Variants in GABRA3 observed in about 807,000 individuals in gnomAD.
The protein encoded by GABRA3 is gamma-aminobutyric acid type A receptor subunit alpha3, also known as gamma-aminobutyric acid receptor subunit alpha-3.
In GABRA3, 10 loss-of-function variants were observed where a neutral mutation model predicts 30.1. The ratio of observed to expected loss-of-function variants is 0.33; its 90% confidence interval spans 0.20 to 0.56. The LOEUF is 0.56. Ranked by LOEUF, GABRA3 falls within the 20% of genes least tolerant of loss-of-function variation. The probability of loss-of-function intolerance (pLI) is 0.89; values close to 1 mark genes in which losing one functional copy is unlikely to be tolerated. For synonymous variants in GABRA3, 151 were observed against 146.8 expected, an observed-to-expected ratio of 1.03 and a Z score of -0.21; for missense variants, 233 against 392.0, an observed-to-expected ratio of 0.59 and a Z score of 3.42.
chrX:152,174,045 G>GT lies in GABRA3; in HGVS notation c.1144-5483dup, dbSNP rs1437729258. 2.7e-5 allele frequency among the ~76,000 whole-genome samples: 3 copies of GT among 110,312 alleles called. No homozygotes were observed. In the East Asian group the frequency reaches 8.6e-4, roughly 32 times the overall value. On this transcript the variant is annotated intron_variant, in intron 9 of 9. Coordinates refer to ENST00000370314, the MANE Select transcript of GABRA3 (RefSeq NM_000808.4). ...TATGAGTGAGAACATGCGGTGTTTG[G>GT]TTTTTTGTCCTTGCCATAGTTTGCT...
chrX:152,256,961 G>A (rs1363580003), intron 4 of GABRA3, among the ~76,000 whole-genome samples: 1 of 111,575 alleles, frequency 9.0e-6, no homozygotes, highest in African/African-American at 3.3e-5. Flanking sequence ...ATTAGGGATG[G>A]AAGACTCAAA....
At chrX:152,242,490 G>A (rs1429243981) in intron 5 of GABRA3, among the ~76,000 whole-genome samples, 1 of 111,634 alleles carries the variant, frequency 9.0e-6, no homozygotes, top group Non-Finnish European at 1.9e-5. Flanking sequence ...CTATGGAACG[G>A]GAGAAAATAT....
chrX:152,351,841 T>C (rs1309251929), intron 2 of GABRA3, among the ~76,000 whole-genome samples: 6 of 111,014 alleles, frequency 5.4e-5, no homozygotes, highest in African/African-American at 1.6e-4. Context: ...AGAGGCTATA[T>C]AGGGCTACTA....
chrX:152,179,495 AT>A (rs199606296), intron 9 of GABRA3, among the ~76,000 whole-genome samples: 1,484 of 97,150 alleles, frequency 0.015, 22 homozygotes, highest in African/African-American at 0.045. Context: ...TGTGAGTTCA[AT>A]TTTTTTTTTT....
At chrX:152,250,973 T>A (rs1162155266) in intron 5 of GABRA3, 2 of 208,543 alleles carry the variant, frequency 9.6e-6, no homozygotes, top group African/African-American at 6.1e-5. Context: ...TACATTATTA[T>A]CAGACTAGAG....
At chrX:152,238,620 T>C (rs1201198085) in intron 5 of GABRA3, among the ~76,000 whole-genome samples, 3 of 108,846 alleles carry the variant, frequency 2.8e-5, no homozygotes, top group Admixed American at 9.8e-5. Context: ...ATCCATCTGG[T>C]CCTGGACTCT....
intron 5 of GABRA3, among the ~76,000 whole-genome samples, chrX:152,225,130 A>ACC (rs80164841): frequency 0.018 from 1,944 of 105,807 alleles, 31 homozygotes; most frequent in Non-Finnish European, 0.029. Context: ...TTCCTTAGAC[A>ACC]CCCCCCCCAA....
intron 1 of GABRA3, among the ~76,000 whole-genome samples, chrX:152,430,521 G>A (rs1442822041): frequency 9.0e-6 from 1 of 111,353 alleles, no homozygotes; most frequent in Non-Finnish European, 1.9e-5. Flanking sequence ...AGATAGTTAT[G>A]CAACTAAGAC....
intron 9 of GABRA3, among the ~76,000 whole-genome samples, chrX:152,182,447 CTA>C (rs1337764224): frequency 1.8e-3 from 156 of 87,699 alleles, no homozygotes; most frequent in African/African-American, 5.9e-3. Flanking sequence ...TGTATACACA[CTA>C]TATATAGTGT....
At chrX:152,406,174 A>C (rs996782165) in intron 1 of GABRA3, among the ~76,000 whole-genome samples, 1 of 110,523 alleles carries the variant, frequency 9.0e-6, no homozygotes, top group African/African-American at 3.3e-5. Context: ...GAGAGAGAGG[A>C]CCAACAAAAC....
chrX:152,188,257 A>G (rs1235741955), intron 9 of GABRA3, among the ~76,000 whole-genome samples: 1 of 112,050 alleles, frequency 8.9e-6, no homozygotes. Flanking sequence ...GAATTGATGT[A>G]AATATACAAT....
At chrX:152,335,137 T>C in intron 3 of GABRA3, among the ~76,000 whole-genome samples, 1 of 111,587 alleles carries the variant, frequency 9.0e-6, no homozygotes, top group East Asian at 2.8e-4. Flanking sequence ...CAAGTTCTCT[T>C]GATCTGGCTA....
intron 3 of GABRA3, among the ~76,000 whole-genome samples, chrX:152,298,211 G>A (rs1939565332): frequency 8.9e-6 from 1 of 111,755 alleles, no homozygotes; most frequent in Admixed American, 9.5e-5. Flanking sequence ...AGTTAACTAT[G>A]CCTCAGTTTC....
intron 1 of GABRA3, among the ~76,000 whole-genome samples, chrX:152,381,562 T>C (rs1929144457): frequency 8.9e-6 from 1 of 111,881 alleles, no homozygotes; most frequent in South Asian, 3.8e-4. Flanking sequence ...CTTGTTTCTT[T>C]TTTATTATGT....
At chrX:152,359,000 A>G (rs1461179030) in intron 2 of GABRA3, among the ~76,000 whole-genome samples, 2 of 111,582 alleles carry the variant, frequency 1.8e-5, no homozygotes, top group Non-Finnish European at 3.8e-5. Context: ...TACGTTCCTC[A>G]AGGATATAGG....
intron 8 of GABRA3, among the ~76,000 whole-genome samples, chrX:152,191,312 A>T (rs1937323088): frequency 9.0e-6 from 1 of 110,519 alleles, no homozygotes; most frequent in Non-Finnish European, 1.9e-5. Flanking sequence ...TGAGTACTAC[A>T]CTAGAAGTTA....
chrX:152,270,148 C>T, intron 4 of GABRA3, among the ~76,000 whole-genome samples: 1 of 111,760 alleles, frequency 8.9e-6, no homozygotes, highest in South Asian at 3.8e-4. Flanking sequence ...ATGTATTTCC[C>T]ATAATCCCCA....
chrX:152,288,876 T>C (rs1939343576), intron 3 of GABRA3, among the ~76,000 whole-genome samples: 1 of 111,884 alleles, frequency 8.9e-6, no homozygotes, highest in Non-Finnish European at 1.9e-5. Context: ...GCTTCAGGGA[T>C]TTAATTTCCT....
At chrX:152,177,306 A>C (rs941066533) in intron 9 of GABRA3, among the ~76,000 whole-genome samples, 1 of 111,475 alleles carries the variant, frequency 9.0e-6, no homozygotes, top group Non-Finnish European at 1.9e-5. Flanking sequence ...TTCCTGAGGG[A>C]AGTGAGGGAC....
Sources: allele counts gnomAD v4.1 joint callset (sites outside exome capture counted in the v4.1 genomes callset), GRCh38; gene constraint gnomAD v4.1.1; transcripts MANE v1.5; gene names NCBI Gene and HGNC (gene_info 2026-07-23, HGNC 2026-07-21).